DNAH11: variants seen among roughly 807,000 people sequenced by gnomAD.
DNAH11 encodes the protein dynein axonemal heavy chain 11, also known as axonemal beta dynein heavy chain 11.
Under a neutral mutation model 526.0 loss-of-function variants are expected in DNAH11, and 442 were observed. The observed-to-expected ratio is 0.84, with a 90% CI of 0.78 to 0.91. DNAH11 has a LOEUF of 0.91. DNAH11 is among the 40% of genes least tolerant of loss of function. The probability of loss-of-function intolerance (pLI) is 0.00; values close to 1 mark genes in which losing one functional copy is unlikely to be tolerated. For missense variants in DNAH11, 6,989 were observed against 5,448.7 expected (o/e 1.28, Z -8.90); for synonymous variants, 2,461 against 1,935.9 (o/e 1.27, Z -7.12).
chr7:21,734,840 G>A (rs905171117), intron 45 of DNAH11, among the ~76,000 whole-genome samples: 1 of 145,676 alleles, frequency 6.9e-6, no homozygotes, highest in African/African-American at 2.5e-5. Context: ...CCTGGGTATA[G>A]GAGTGAGACC....
In DNAH11 at chr7:21,717,876, G is replaced by C. The variant is rs761114761; in HGVS notation, c.7085G>C (p.Arg2362Thr). ...KYVPACLDKLRTSFKTITSIP... is the reference protein window; with the variant it reads ...KYVPACLDKLTTSFKTITSIP... ...GTCCCTGCATGCTTGGATAAACTGA[G>C]AACAAGCTTTAAAACCATCACTTCA... is the stretch of plus-strand genomic sequence containing the variant. The change falls in exon 43 of 82, where the codon AGA becomes ACA. Residue 2362 changes from arginine to threonine, a missense_variant. Transcript: ENST00000409508. The C allele has an allele frequency of 3.1e-5, 50 of 1,613,668 alleles. No individual in the cohort carries two copies. The Admixed American group carries it at 8.3e-4, about 27-fold the overall frequency.
chr7:21,717,861 G>A lies in DNAH11; in HGVS notation c.7070G>A (p.Cys2357Tyr), dbSNP rs1784724322. The A allele has an allele frequency of 6.2e-7, 1 of 1,613,796 alleles. No homozygotes were observed. Among genetic ancestry groups the A allele is most frequent in the Admixed American group, 1.7e-5 (1 of 59,986 alleles). The change falls in exon 43 of 82, where the codon TGC becomes TAC. Residue 2357 changes from cysteine to tyrosine, a missense_variant. By Grantham distance (194) the Cys-to-Tyr change is radical (BLOSUM62 -2). Coordinates refer to ENST00000409508, the MANE Select transcript of DNAH11 (RefSeq NM_001277115.2). ...TILFDKYVPA[C>Y]LDKLRTSFKT... is the part of the protein sequence containing the mutation. ...CTTTTTGATAAATATGTCCCTGCAT[G>A]CTTGGATAAACTGAGAACAAGCTTT...
At chr7:21,577,794 A>T (rs56988096) in intron 8 of DNAH11, among the ~76,000 whole-genome samples, 3,375 of 152,288 alleles carry the variant, frequency 0.022, 127 homozygotes, top group African/African-American at 0.076. Context: ...GTAGAATATC[A>T]GTTAGTATAC....
In DNAH11 at chr7:21,750,246, A is replaced by G. The variant is rs749515793; in HGVS notation, c.8822A>G (p.Asp2941Gly). ...GGAGAAATCCCAGATCTGTTCAGCGATGAAGATGTGGACAAGATAATTTCT... is the reference window on the plus strand; with the variant it reads ...GGAGAAATCCCAGATCTGTTCAGCGGTGAAGATGTGGACAAGATAATTTCT... ...ASGEIPDLFS[D>G]EDVDKIISGI... is the part of the protein sequence containing the mutation. The change falls in exon 54 of 82, where the codon GAT (aspartate) becomes GGT (glycine). Residue 2941 changes from aspartate (D) to glycine (G), a missense_variant. Coordinates refer to ENST00000409508, the MANE Select transcript of DNAH11 (RefSeq NM_001277115.2). 2.1e-5 allele frequency: 33 copies of G among 1,606,354 alleles called. No individual in the cohort carries two copies. The Admixed American group carries it at 5.1e-4, about 25-fold the overall frequency.
At chr7:21,677,638 G>C (rs191099021) in intron 30 of DNAH11, among the ~76,000 whole-genome samples, 60 of 152,324 alleles carry the variant, frequency 3.9e-4, no homozygotes, top group African/African-American at 1.4e-3. Context: ...ACCTGCCTGG[G>C]CCTCCCAAAG....
chr7:21,836,999 C>T (rs1230973685), intron 65 of DNAH11, among the ~76,000 whole-genome samples: 2 of 152,128 alleles, frequency 1.3e-5, no homozygotes, highest in Admixed American at 6.5e-5. Context: ...AAATATTCCA[C>T]ATCACTAATT....
At chr7:21,727,663 T>G (rs1349731972) in intron 45 of DNAH11, among the ~76,000 whole-genome samples, 2 of 152,218 alleles carry the variant, frequency 1.3e-5, no homozygotes, top group African/African-American at 2.4e-5. Context: ...TTTTGGAGCT[T>G]ATTATTTTGG....
At chr7:21,731,865 C>T (rs1161783254) in intron 45 of DNAH11, among the ~76,000 whole-genome samples, 1 of 152,118 alleles carries the variant, frequency 6.6e-6, no homozygotes, top group African/African-American at 2.4e-5. Flanking sequence ...TCAAGTAACC[C>T]TTATTTTACA....
chr7:21,852,562 T>G lies in DNAH11; in HGVS notation c.10992T>G (p.Phe3664Leu). The G allele has an allele frequency of 6.2e-7, 1 of 1,612,758 alleles. No individual in the cohort carries two copies. The highest frequency in any genetic ancestry group is 2.2e-5 in the East Asian group (1 of 44,880). ...GCCTTTCTGCGGCAGAGGGAAGCTT[T>G]CTGGATGACACCAAACTGGTAGAGA... ...LLRLSAAEGS[F>L]LDDTKLVERL... The change falls in exon 67 of 82, where the codon TTT becomes TTG. Residue 3664 changes from phenylalanine (F) to leucine (L), a missense_variant. Physicochemically the swap from Phe to Leu is conservative, Grantham distance 22. Coordinates refer to ENST00000409508, the MANE Select transcript of DNAH11 (RefSeq NM_001277115.2).
chr7:21,799,462 C>A (rs959370770), intron 61 of DNAH11, among the ~76,000 whole-genome samples: 1 of 152,038 alleles, frequency 6.6e-6, no homozygotes, highest in Non-Finnish European at 1.5e-5. Context: ...CTCAGCCTCC[C>A]GAGTAGCTGG....
chr7:21,834,208 G>A (rs1781899956), intron 65 of DNAH11, among the ~76,000 whole-genome samples: 1 of 151,920 alleles, frequency 6.6e-6, no homozygotes, highest in Non-Finnish European at 1.5e-5. Context: ...GAGAAACTTT[G>A]GAAACTATAC....
At chr7:21,551,124 T>A (rs1783006914) in intron 2 of DNAH11, among the ~76,000 whole-genome samples, 1 of 152,196 alleles carries the variant, frequency 6.6e-6, no homozygotes, top group Non-Finnish European at 1.5e-5. Flanking sequence ...TCATGGAGTT[T>A]ACTTATTTCT....
chr7:21,820,088 C>T (rs936783775), intron 65 of DNAH11, among the ~76,000 whole-genome samples: 2 of 152,168 alleles, frequency 1.3e-5, no homozygotes. Context: ...TCAGCTGTTC[C>T]TCCTTCCCTC....
At chr7:21,572,151 T>C (rs575333421) in intron 8 of DNAH11, among the ~76,000 whole-genome samples, 178 bp downstream of exon 8, 10 of 152,334 alleles carry the variant, frequency 6.6e-5, no homozygotes, top group Admixed American at 2.0e-4. Flanking sequence ...GGATCAGAAC[T>C]TAAGCTTTTG....
intron 62 of DNAH11, among the ~76,000 whole-genome samples, chr7:21,804,526 C>G (rs1789163823): frequency 6.6e-6 from 1 of 152,198 alleles, no homozygotes; most frequent in Non-Finnish European, 1.5e-5. Flanking sequence ...ATAATTCACC[C>G]TGCAAATCCC....
Position 21,690,761 on chromosome 7 carries a change from G to A in DNAH11, c.5925-4G>A. The A allele has an allele frequency of 6.3e-7, 1 of 1,591,766 alleles. No homozygotes were observed. Among genetic ancestry groups the A allele is most frequent in the Non-Finnish European group, 8.6e-7 (1 of 1,163,954 alleles). On this transcript the variant is annotated splice_region_variant and splice_polypyrimidine_tract_variant and intron_variant, in intron 34 of 81. Transcript: ENST00000409508. ...TAATTTCATCAACATTCTTTTTATG[G>A]TAGATTTGTATTTCTTGGGGAAGCT... is the stretch of plus-strand genomic sequence containing the variant.
chr7:21,888,599 C>G (rs921963050), intron 76 of DNAH11, among the ~76,000 whole-genome samples: 30 of 152,112 alleles, frequency 2.0e-4, no homozygotes, highest in Non-Finnish European at 2.8e-4. Flanking sequence ...AAGTCATTCT[C>G]CTGTCTCAGC....
intron 66 of DNAH11, among the ~76,000 whole-genome samples, chr7:21,849,755 G>C (rs778954476): frequency 2.6e-5 from 4 of 151,960 alleles, no homozygotes; most frequent in Non-Finnish European, 5.9e-5. Flanking sequence ...CTTTGTCTTT[G>C]ATATTATGCG....
intron 81 of DNAH11, 74 bp from the exon 82 acceptor site, chr7:21,900,933 T>TCAAA (rs1784779766): frequency 1.4e-6 from 2 of 1,389,696 alleles, no homozygotes; most frequent in African/African-American, 3.8e-5. Flanking sequence ...GTTTATTGCA[T>TCAAA]CAAACAACTT....
Sources: gnomAD v4.1 joint callset for allele counts (sites outside exome capture counted in the v4.1 genomes callset) on GRCh38, gnomAD v4.1.1 for gene constraint, MANE v1.5 for transcripts, NCBI Gene and HGNC (gene_info 2026-07-23, HGNC 2026-07-21) for gene names.